The following SGSM1 variants were observed in gnomAD, a reference collection of about 807,000 sequenced individuals.
SGSM1 encodes the protein small G protein signaling modulator 1, also known as RUN and TBC1 domain containing 2.
A neutral mutation model predicts 133.8 loss-of-function variants in SGSM1; 73 were observed. The observed-to-expected ratio is 0.55, with a 90% confidence interval of 0.45 to 0.66. The LOEUF is 0.66. Ranked by LOEUF, SGSM1 falls within the 30% of genes least tolerant of loss-of-function variation. The probability of loss-of-function intolerance (pLI) is 0.00; values close to 1 mark genes in which losing one functional copy is unlikely to be tolerated. For synonymous variants in SGSM1, 563 were observed against 573.0 expected (o/e 0.98, Z 0.25); for missense variants, 1,213 against 1,448.1 (o/e 0.84, Z 2.64).
At chr22:24,841,169 T>C (rs1035943886) in intron 2 of SGSM1, among the ~76,000 whole-genome samples, 2 of 152,240 alleles carry the variant, frequency 1.3e-5, no homozygotes, top group African/African-American at 4.8e-5. Context: ...TTTTTATTTA[T>C]CTCAATATAT....
intron 15 of SGSM1, among the ~76,000 whole-genome samples, chr22:24,886,390 T>A (rs1010702404): frequency 1.7e-5 from 1 of 57,524 alleles, no homozygotes; most frequent in African/African-American, 7.4e-5. Flanking sequence ...GACAGAGCGC[T>A]CTGTCTCAAA....
At chr22:24,814,938 G>T (rs1927977861) in intron 2 of SGSM1, among the ~76,000 whole-genome samples, 1 of 152,212 alleles carries the variant, frequency 6.6e-6, no homozygotes, top group Admixed American at 6.5e-5. Context: ...ATCAGCTCCT[G>T]GAGACAGTCC....
intron 2 of SGSM1, among the ~76,000 whole-genome samples, chr22:24,829,802 G>A (rs139632): frequency 0.44 from 67,150 of 151,990 alleles, 17,578 homozygotes; most frequent in African/African-American, 0.74. Context: ...TGAGTGTCCA[G>A]AAAAAGTGAA....
At chr22:24,872,000 A>G (rs930757870) in intron 12 of SGSM1, among the ~76,000 whole-genome samples, 3 of 152,208 alleles carry the variant, frequency 2.0e-5, no homozygotes, top group African/African-American at 7.2e-5. Flanking sequence ...TTGTAAATAA[A>G]GTTTTATTGG....
chr22:24,812,259 C>T (rs531975985), intron 2 of SGSM1, among the ~76,000 whole-genome samples: 130 of 152,184 alleles, frequency 8.5e-4, no homozygotes, highest in African/African-American at 3.0e-3. Flanking sequence ...CTGTGCTGGG[C>T]ATTGTGCCAT....
At chr22:24,914,793 A>G (rs1264892786) in intron 22 of SGSM1, among the ~76,000 whole-genome samples, 6 of 152,096 alleles carry the variant, frequency 3.9e-5, no homozygotes, top group Admixed American at 2.6e-4. Context: ...CCGGAAGTAC[A>G]GTCTTTTGTG....
intron 19 of SGSM1, among the ~76,000 whole-genome samples, chr22:24,899,219 T>C (rs1933033821): frequency 6.6e-6 from 1 of 152,076 alleles, no homozygotes; most frequent in African/African-American, 2.4e-5. Context: ...TTTTCTTAGT[T>C]TGCTGCATAT....
intron 10 of SGSM1, 137 bp from the exon 11 acceptor site, chr22:24,868,239 C>A: frequency 8.1e-7 from 1 of 1,238,954 alleles, no homozygotes; most frequent in Non-Finnish European, 1.1e-6. Flanking sequence ...GACCTTTGCC[C>A]AGGACTTTCC....
intron 2 of SGSM1, among the ~76,000 whole-genome samples, chr22:24,840,642 C>G (rs2147825904): frequency 6.7e-6 from 1 of 149,942 alleles, no homozygotes; most frequent in African/African-American, 2.5e-5. Flanking sequence ...CATGCCCAGC[C>G]TAATCTTTAT....
At chr22:24,922,030 C>T (rs1355561519) in intron 24 of SGSM1, among the ~76,000 whole-genome samples, 4 of 152,014 alleles carry the variant, frequency 2.6e-5, no homozygotes, top group African/African-American at 4.8e-5. Flanking sequence ...AAGAAAATAA[C>T]ATTTTTACAT....
chr22:24,895,224 C>T lies in SGSM1; in HGVS notation c.1955C>T (p.Ser652Phe), dbSNP rs375842915. The part of the protein sequence containing the change: ...LHRDSTISNE[S>F]SQSCSSGRQN... The stretch of plus-strand genomic sequence containing the variant: ...CCCTCCTGCTCTTTCTTTTCTCAGT[C>T]CTCCCAGAGCTGCAGTTCGGGCCGC... The change falls in exon 18 of 25, where the codon TCC (serine) becomes TTC (phenylalanine). Residue 652 changes from serine to phenylalanine, a missense_variant and splice_region_variant. Transcript: ENST00000400358. The T allele has an allele frequency of 2.4e-5, 38 of 1,608,332 alleles. No individual in the cohort carries two copies. Among genetic ancestry groups the T allele is most frequent in the Non-Finnish European group, 2.9e-5 (34 of 1,177,758 alleles).
Position 24,855,577 on chromosome 22 carries a change from T to A in SGSM1, c.698T>A (p.Met233Lys). 1 of 1,613,932 alleles carries A rather than the reference T, an allele frequency of 6.2e-7. No homozygotes were observed. The highest frequency in any genetic ancestry group is 8.5e-7 in the Non-Finnish European group (1 of 1,179,862). Residue 233 changes from methionine to lysine, a missense_variant, in exon 8 of 25, where the codon ATG becomes AAG. Met to Lys is a moderately conservative substitution (Grantham distance 95, BLOSUM62 -1). Coordinates refer to ENST00000400358, the MANE Select transcript of SGSM1 (RefSeq NM_001098497.3). ...CIQKRHSSGSMDDRPSLSARD... is the reference protein window; with the variant it reads ...CIQKRHSSGSKDDRPSLSARD... ...CAGAAGAGGCATTCCAGTGGCAGCA[T>A]GGATGACCGGCCATCCCTCTCTGCC...
At chr22:24,904,577 CA>C (rs36019944) in intron 20 of SGSM1, among the ~76,000 whole-genome samples, 110 of 115,172 alleles carry the variant, frequency 9.6e-4, no homozygotes, top group Admixed American at 1.0e-3. Flanking sequence ...GACTCCGTCT[CA>C]AAAAAAAAAA....
chr22:24,923,186 T>C (rs1050469184), intron 24 of SGSM1, among the ~76,000 whole-genome samples: 1 of 152,100 alleles, frequency 6.6e-6, no homozygotes, highest in Non-Finnish European at 1.5e-5. Context: ...GTAGTGAAAT[T>C]TGTGAACTCA....
At chr22:24,855,159 C>G (rs1306053224) in intron 6 of SGSM1, 96 bp downstream of exon 6, 1 of 1,551,048 alleles carries the variant, frequency 6.4e-7, no homozygotes, top group East Asian at 2.4e-5. Flanking sequence ...CCAGCCTTGC[C>G]CATGGAAATG....
At chr22:24,812,184 A>T (rs200300549) in intron 2 of SGSM1, among the ~76,000 whole-genome samples, 1 of 150,392 alleles carries the variant, frequency 6.6e-6, no homozygotes, top group Admixed American at 6.6e-5. Context: ...AAAGAAAAAA[A>T]AAAAGAAAAG....
At position 24,902,608 on chromosome 22, in the gene SGSM1, C is replaced by A. The variant is rs141980353; in HGVS notation, c.2735+651C>A. Among the ~76,000 whole-genome samples the A allele has an allele frequency of 2.0e-5, 3 of 152,032 alleles. No homozygotes were observed. In the East Asian group the frequency reaches 5.8e-4, roughly 29 times the overall value. ...GGTGGAGGCAGGAGGATAGCTTGAG[C>A]CTAGAGGTTAGAGGGTTGTAGTGAG... On this transcript the variant is annotated intron_variant, in intron 20 of 24. Coordinates refer to ENST00000400358, the MANE Select transcript of SGSM1 (RefSeq NM_001098497.3).
Position 24,920,002 on chromosome 22 carries a change from A to G in SGSM1, c.3193+9A>G. On this transcript the variant is annotated intron_variant, in intron 24 of 24. Coordinates refer to ENST00000400358, the MANE Select transcript of SGSM1 (RefSeq NM_001098497.3). ...CATCAAATTCTTTAATGGTACCCAC[A>G]TGACTGGGGCCTCATGAGAGGGGTG... 6.3e-7 allele frequency: 1 copy of G among 1,585,918 alleles called. No homozygotes were observed. The highest frequency in any genetic ancestry group is 8.6e-7 in the Non-Finnish European group (1 of 1,165,864).
intron 8 of SGSM1, 197 bp downstream of exon 8, chr22:24,855,877 C>A (rs752922652): frequency 6.3e-6 from 5 of 798,864 alleles, no homozygotes; most frequent in Non-Finnish European, 8.4e-6. Context: ...ATCCATCCAC[C>A]CATTGTTATA....
Sources: allele counts gnomAD v4.1 joint callset (sites outside exome capture counted in the v4.1 genomes callset), GRCh38; gene constraint gnomAD v4.1.1; transcripts MANE v1.5; gene names NCBI Gene and HGNC (gene_info 2026-07-23, HGNC 2026-07-21).